Variants in TNR observed in about 807,000 individuals in gnomAD.
The protein encoded by TNR is tenascin-R.
In TNR, 45 loss-of-function variants were observed where a neutral mutation model predicts 150.4. The ratio of observed to expected loss-of-function variants is 0.30; its 90% CI spans 0.24 to 0.38. The LOEUF (loss-of-function observed/expected upper bound fraction) is 0.38, where lower values mean the gene tolerates loss of function less well. Among genes scored for constraint, TNR ranks in the 10% least tolerant of loss-of-function variants. The pLI is 1.00. For missense variants in TNR, 1,544 were observed against 1,759.1 expected, an observed-to-expected ratio of 0.88 and a Z score of 2.19; for synonymous variants, 687 against 678.4, an observed-to-expected ratio of 1.01 and a Z score of -0.20.
At chr1:175,527,263 C>T (rs927692112) in intron 2 of TNR, among the ~76,000 whole-genome samples, 1 of 152,182 alleles carries the variant, frequency 6.6e-6, no homozygotes, top group Non-Finnish European at 1.5e-5. Context: ...GTGATGATGT[C>T]TCTTGTGAAT....
chr1:175,460,623 A>G (rs938879959), intron 2 of TNR, among the ~76,000 whole-genome samples: 1 of 152,184 alleles, frequency 6.6e-6, no homozygotes, highest in African/African-American at 2.4e-5. Flanking sequence ...ACCTCATTTA[A>G]TTTTCACGAT....
At chr1:175,737,879 C>T (rs1202578241) in intron 1 of TNR, among the ~76,000 whole-genome samples, 2 of 152,128 alleles carry the variant, frequency 1.3e-5, no homozygotes, top group Admixed American at 6.5e-5. Context: ...AGAACTCCTT[C>T]CCCCATTATG....
intron 2 of TNR, among the ~76,000 whole-genome samples, chr1:175,470,142 A>G (rs1657220557): frequency 6.6e-6 from 1 of 152,142 alleles, no homozygotes; most frequent in African/African-American, 2.4e-5. Context: ...GCATTTGAGG[A>G]GTCTACAGAG....
chr1:175,719,869 T>C (rs1381609223), intron 1 of TNR, among the ~76,000 whole-genome samples: 1 of 152,216 alleles, frequency 6.6e-6, no homozygotes, highest in African/African-American at 2.4e-5. Context: ...TTGGCCTGTG[T>C]GGGACCCTGT....
At chr1:175,629,525 A>C (rs1664259811) in intron 1 of TNR, among the ~76,000 whole-genome samples, 1 of 152,060 alleles carries the variant, frequency 6.6e-6, no homozygotes, top group African/African-American at 2.4e-5. Flanking sequence ...GGGTGAGAAG[A>C]GGGGACAGGT....
At chr1:175,636,285 G>A (rs1405343463) in intron 1 of TNR, among the ~76,000 whole-genome samples, 1 of 152,198 alleles carries the variant, frequency 6.6e-6, no homozygotes, top group Non-Finnish European at 1.5e-5. Flanking sequence ...AACACCTACA[G>A]ATGGTTTACT....
intron 2 of TNR, among the ~76,000 whole-genome samples, chr1:175,439,138 C>T (rs1456930648): frequency 6.6e-6 from 1 of 152,176 alleles, no homozygotes; most frequent in Non-Finnish European, 1.5e-5. Flanking sequence ...TACAAGGCTA[C>T]AGTAACCAAA....
rs1394695639 is a variant in TNR, at chr1:175,396,739, G to T, written c.1045C>A (p.Pro349Thr). 1.9e-6 allele frequency: 3 copies of T among 1,614,170 alleles called. No individual in the cohort carries two copies. In the Admixed American group the frequency reaches 5.0e-5, roughly 27 times the overall value. Residue 349 changes from proline to threonine, a missense_variant, in exon 5 of 23, where the codon CCG (proline) becomes ACG (threonine). Physicochemically the swap from Pro to Thr is conservative, Grantham distance 38. Coordinates refer to ENST00000367674, the MANE Select transcript of TNR (RefSeq NM_003285.3). ...DRSIELEWDG[P>T]MAVTEYVISY... The stretch of plus-strand genomic sequence containing the variant: ...ATCACATATTCCGTCACTGCCATCG[G>T]CCCGTCCCATTCCAGCTCAATGGAC...
intron 8 of TNR, among the ~76,000 whole-genome samples, chr1:175,381,638 T>C (rs761608764): frequency 7.1e-4 from 108 of 152,158 alleles, no homozygotes; most frequent in Non-Finnish European, 1.3e-3. Context: ...TGGGAGCTGT[T>C]CCCTGCAACG....
chr1:175,405,020 C>T (rs1653883331), intron 3 of TNR, among the ~76,000 whole-genome samples: 1 of 152,204 alleles, frequency 6.6e-6, no homozygotes, highest in Non-Finnish European at 1.5e-5. Flanking sequence ...GCGGGCCATC[C>T]AGGCTCTGTT....
chr1:175,331,069 C>CTTTCCTTCTCTTTCTTTCTT (rs1649812053), intron 20 of TNR, among the ~76,000 whole-genome samples: 1 of 127,568 alleles, frequency 7.8e-6, no homozygotes, highest in African/African-American at 3.1e-5. Flanking sequence ...TTCTTTCTTT[C>CTTTCCTTCTCTTTCTTTCTT]TTTCTTTCCT....
intron 1 of TNR, among the ~76,000 whole-genome samples, chr1:175,649,293 G>A (rs562217329): frequency 2.6e-5 from 4 of 152,072 alleles, no homozygotes; most frequent in Non-Finnish European, 5.9e-5. Context: ...CCTTCAGATC[G>A]CAGCTTGGTT....
chr1:175,584,910 A>C (rs1662506786), intron 1 of TNR, among the ~76,000 whole-genome samples: 1 of 152,358 alleles, frequency 6.6e-6, no homozygotes, highest in East Asian at 1.9e-4. Flanking sequence ...ACTGTCAAGG[A>C]AGGGCTCCAA....
intron 1 of TNR, among the ~76,000 whole-genome samples, chr1:175,646,063 A>C (rs1664801845): frequency 6.6e-6 from 1 of 152,214 alleles, no homozygotes; most frequent in Non-Finnish European, 1.5e-5. Context: ...TTGGGGTAGT[A>C]TATTAAAGGG....
Position 175,318,996 on chromosome 1 carries a change from T to C in TNR, c.*4361A>G, listed in dbSNP as rs376737379. On this transcript the variant is annotated 3_prime_UTR_variant, in exon 23 of 23. Transcript: ENST00000367674. Reference sequence around the variant, plus strand: ...AGGTTTCTTAATAAAAATTTAAGAGTGGACAGTGAGATGCAAGGAAGGCGG... The same window carrying C: ...AGGTTTCTTAATAAAAATTTAAGAGCGGACAGTGAGATGCAAGGAAGGCGG... 4 of 152,220 alleles carry C rather than the reference T, an allele frequency of 2.6e-5. No homozygotes were observed. In the East Asian group the frequency reaches 5.8e-4, roughly 22 times the overall value. The allele number at this position is 152,220 out of a possible 1,614,324, so 9.4% of individuals were successfully genotyped here. A position where few individuals can be genotyped will look rare whatever the true frequency, so the allele number is the denominator to read the frequency against.
At chr1:175,507,756 G>A (rs859381) in intron 2 of TNR, among the ~76,000 whole-genome samples, 101,176 of 152,024 alleles carry the variant, frequency 0.67, 34,836 homozygotes, top group African/African-American at 0.85. Flanking sequence ...TAAAATACTT[G>A]TCACAATCTA....
chr1:175,452,286 C>G (rs957783056), intron 2 of TNR, among the ~76,000 whole-genome samples: 6 of 152,242 alleles, frequency 3.9e-5, no homozygotes, highest in African/African-American at 1.4e-4. Context: ...CAGCAGTGAA[C>G]AAAGCGCCCT....
chr1:175,557,226 T>G (rs983714826), intron 1 of TNR, among the ~76,000 whole-genome samples: 98 of 152,264 alleles, frequency 6.4e-4, no homozygotes, highest in African/African-American at 2.3e-3. Context: ...AACATCTAGG[T>G]TGCAGCTTTC....
At chr1:175,562,986 G>A (rs1661490732) in intron 1 of TNR, among the ~76,000 whole-genome samples, 1 of 152,218 alleles carries the variant, frequency 6.6e-6, no homozygotes, top group Admixed American at 6.5e-5. Flanking sequence ...TTGACCAAAT[G>A]GAGAGGTTGA....
Sources: gnomAD v4.1 joint callset for allele counts (sites outside exome capture counted in the v4.1 genomes callset) on GRCh38, gnomAD v4.1.1 for gene constraint, MANE v1.5 for transcripts, NCBI Gene and HGNC (gene_info 2026-07-23, HGNC 2026-07-21) for gene names.